The following RELN variants were observed in gnomAD, a reference collection of about 807,000 sequenced individuals.
RELN encodes reelin.
In RELN, 108 loss-of-function variants were observed where a neutral mutation model predicts 427.6. That is an observed-to-expected ratio of 0.25 (90% confidence interval 0.22 to 0.30). The LOEUF is 0.30. Ranked by LOEUF, RELN falls within the 10% of genes least tolerant of loss-of-function variation. RELN has a pLI of 1.00. For missense variants in RELN, 3,715 were observed against 4,302.8 expected (o/e 0.86, Z 3.82); for synonymous variants, 1,524 against 1,513.4 (o/e 1.01, Z -0.16).
At chr7:103,890,523 C>T (rs144651048) in intron 2 of RELN, among the ~76,000 whole-genome samples, 13 of 149,120 alleles carry the variant, frequency 8.7e-5, no homozygotes, top group Admixed American at 6.1e-4. Context: ...TTACGAGACT[C>T]GAACAATAAA....
chr7:103,612,109 G>A (rs1454717899), intron 20 of RELN, among the ~76,000 whole-genome samples: 3 of 152,018 alleles, frequency 2.0e-5, no homozygotes, highest in Non-Finnish European at 1.5e-5. Flanking sequence ...AATCTATCCT[G>A]AGAAAATAAT....
chr7:103,683,896 G>C (rs1437617437), intron 10 of RELN, among the ~76,000 whole-genome samples: 1 of 152,146 alleles, frequency 6.6e-6, no homozygotes, highest in Non-Finnish European at 1.5e-5. Flanking sequence ...AAGGTCTGGA[G>C]ATGCACAGAA....
chr7:103,667,086 G>A (rs1256246804), intron 11 of RELN, among the ~76,000 whole-genome samples: 5 of 151,986 alleles, frequency 3.3e-5, no homozygotes, highest in Non-Finnish European at 1.5e-5. Context: ...CCTATCCTAG[G>A]GCTACATATT....
chr7:103,744,221 C>A (rs1790753261), intron 6 of RELN, among the ~76,000 whole-genome samples: 1 of 152,056 alleles, frequency 6.6e-6, no homozygotes, highest in Admixed American at 6.5e-5. Flanking sequence ...CCAATGAGAA[C>A]AAAGACACAA....
chr7:103,486,519 G>T, intron 60 of RELN, 103 bp from the exon 61 acceptor site: 7 of 801,952 alleles, frequency 8.7e-6, no homozygotes, highest in Non-Finnish European at 1.4e-5. Context: ...GTTACTGTAA[G>T]AATGGCAAAA....
chr7:103,580,171 A>G (rs1221426296), intron 28 of RELN, among the ~76,000 whole-genome samples: 1 of 152,262 alleles, frequency 6.6e-6, no homozygotes, highest in African/African-American at 2.4e-5. Flanking sequence ...TCATGGCAAA[A>G]CAGCTCCAAA....
chr7:103,757,884 A>G (rs941328708), intron 4 of RELN, among the ~76,000 whole-genome samples: 2 of 152,340 alleles, frequency 1.3e-5, no homozygotes, highest in African/African-American at 4.8e-5. Flanking sequence ...GAGACCCATG[A>G]AACTGTACAT....
intron 2 of RELN, among the ~76,000 whole-genome samples, chr7:103,888,766 G>A (rs1794779967): frequency 6.6e-6 from 1 of 152,140 alleles, no homozygotes; most frequent in South Asian, 2.1e-4. Flanking sequence ...AGAAGACTTG[G>A]CAAGCACAAC....
rs147119679 is a variant in RELN at position 103,485,995 on chromosome 7, G to GC, written c.9983+201dup. Among the ~76,000 whole-genome samples the GC allele has an allele frequency of 0.011, 1,606 of 152,264 alleles. 27 individuals carry two copies. Among genetic ancestry groups the GC allele is most frequent in the African/African-American group, 0.037 (1,526 of 41,542 alleles). On this transcript the variant is annotated intron_variant, in intron 61 of 64. Transcript: ENST00000428762. ...GCCACTGTGGGTGAAGAAATACAAA[G>GC]CAATTCTCTAATAAATTTAAGCGAA... is the stretch of plus-strand genomic sequence containing the variant.
intron 2 of RELN, among the ~76,000 whole-genome samples, chr7:103,836,808 T>C (rs536104250): frequency 6.6e-6 from 1 of 152,288 alleles, no homozygotes; most frequent in African/African-American, 2.4e-5. Flanking sequence ...TTTACTTAAT[T>C]CCAACACAGC....
intron 2 of RELN, among the ~76,000 whole-genome samples, chr7:103,847,902 T>C (rs111553132): frequency 5.3e-5 from 8 of 152,258 alleles, no homozygotes; most frequent in African/African-American, 1.9e-4. Flanking sequence ...TAAGGCAGAA[T>C]ATAGTTCTGG....
At chr7:103,572,729 C>CG (rs754260817) in intron 30 of RELN, among the ~76,000 whole-genome samples, 2 of 151,218 alleles carry the variant, frequency 1.3e-5, no homozygotes, top group Admixed American at 6.6e-5. Flanking sequence ...TTAGTAGAGA[C>CG]GGGGCTAACA....
Position 103,816,050 on chromosome 7 carries a change from C to T in RELN, c.473+17487G>A, listed in dbSNP as rs571538740. Among the ~76,000 whole-genome samples, 14 of 152,214 alleles carry T rather than the reference C, an allele frequency of 9.2e-5. No homozygotes were observed. In the East Asian group the frequency reaches 1.4e-3, roughly 15 times the overall value. On this transcript the variant is annotated intron_variant, in intron 3 of 64. Transcript: ENST00000428762. ...TAGAGTTTTATCTTCATTTTCTTAA[C>T]GTCAAATTAGCAAAAGAGGAATATA...
At chr7:103,941,378 A>C (rs1796111073) in intron 1 of RELN, among the ~76,000 whole-genome samples, 1 of 152,192 alleles carries the variant, frequency 6.6e-6, no homozygotes, top group African/African-American at 2.4e-5. Context: ...GGAAGAATAC[A>C]AACCATTTCT....
intron 60 of RELN, among the ~76,000 whole-genome samples, chr7:103,488,895 A>T (rs1828541570): frequency 6.6e-6 from 1 of 152,248 alleles, no homozygotes. Context: ...GGTGTATACT[A>T]TGTAAATAGT....
intron 45 of RELN, among the ~76,000 whole-genome samples, chr7:103,536,728 T>A (rs1160701792): frequency 6.6e-6 from 1 of 152,238 alleles, no homozygotes; most frequent in Non-Finnish European, 1.5e-5. Flanking sequence ...TCTGACTCCT[T>A]TGCAAGTTTG....
At position 103,844,293 on chromosome 7, in the gene RELN, A is replaced by C. The variant is rs111481831; in HGVS notation, c.338-10621T>G. Among the ~76,000 whole-genome samples, 252 of 152,264 alleles carry C rather than the reference A, an allele frequency of 1.7e-3. 1 individual carries two copies. Among genetic ancestry groups the C allele is most frequent in the African/African-American group, 5.9e-3 (244 of 41,570 alleles). On this transcript the variant is annotated intron_variant, in intron 2 of 64. Transcript: ENST00000428762. The stretch of plus-strand genomic sequence containing the variant: ...AGCCTGTCTTTTCTCTCTCTCCTCA[A>C]TGCCAAAGAAATGCCCAGTTGACCT...
chr7:103,528,855 T>C (rs1374776893), intron 46 of RELN, among the ~76,000 whole-genome samples: 1 of 150,884 alleles, frequency 6.6e-6, no homozygotes, highest in Non-Finnish European at 1.5e-5. Context: ...GTAAAGAATA[T>C]AGCCAGGCAT....
At chr7:103,494,365 T>TGTGTGTGTGTGTGTGTGTG (rs1828762311) in intron 57 of RELN, among the ~76,000 whole-genome samples, 1 of 118,256 alleles carries the variant, frequency 8.5e-6, no homozygotes, top group Non-Finnish European at 1.8e-5. Context: ...GTAATGACTT[T>TGTGTGTGTGTGTGTGTGTG]TGTGTGTGTG....
Sources: allele counts gnomAD v4.1 joint callset (sites outside exome capture counted in the v4.1 genomes callset), GRCh38; gene constraint gnomAD v4.1.1; transcripts MANE v1.5; gene names NCBI Gene and HGNC (gene_info 2026-07-23, HGNC 2026-07-21).